Variants in SMARCA2 observed in about 807,000 individuals in gnomAD.
SMARCA2 encodes SWI/SNF-related matrix-associated actin-dependent regulator of chromatin subfamily A member 2.
A neutral mutation model predicts 199.8 loss-of-function variants in SMARCA2; 61 were observed. That is an observed-to-expected ratio of 0.31 (90% CI 0.25 to 0.38). The LOEUF (loss-of-function observed/expected upper bound fraction) is 0.38, where lower values mean the gene tolerates loss of function less well. SMARCA2 is among the 10% of genes least tolerant of loss of function. The probability of loss-of-function intolerance (pLI) is 1.00; values close to 1 mark genes in which losing one functional copy is unlikely to be tolerated. For missense variants in SMARCA2, 1,344 were observed against 2,012.2 expected (o/e 0.67, Z 6.35); for synonymous variants, 935 against 732.0 (o/e 1.28, Z -4.48).
chr9:2,120,792 C>T (rs1433285827), intron 26 of SMARCA2, among the ~76,000 whole-genome samples: 2 of 152,132 alleles, frequency 1.3e-5, no homozygotes, highest in Admixed American at 1.3e-4. Context: ...AATGAACCAC[C>T]CTTCCCAAGT....
At chr9:2,088,123 G>A (rs897166968) in intron 18 of SMARCA2, among the ~76,000 whole-genome samples, 3 of 152,172 alleles carry the variant, frequency 2.0e-5, no homozygotes, top group Non-Finnish European at 4.4e-5. Flanking sequence ...ACTTAAGGCT[G>A]CCACTTTAAA....
intron 27 of SMARCA2, chr9:2,159,036 A>G (rs1038988604): frequency 4.5e-5 from 72 of 1,592,258 alleles, no homozygotes; most frequent in Admixed American, 6.9e-5. Context: ...AAGAATCTGC[A>G]CGTATTAGCA....
intron 8 of SMARCA2, 27 bp from the exon 9 acceptor site, chr9:2,060,789 C>G (rs779962190): frequency 1.2e-6 from 2 of 1,609,782 alleles, no homozygotes; most frequent in South Asian, 1.1e-5. Context: ...ATATTATGCT[C>G]TCATCCTGCT....
rs370288630 is a variant in SMARCA2 at position 2,033,130 on chromosome 9, A to C, written c.355+49A>C. 295 of 1,591,034 alleles carry C rather than the reference A, an allele frequency of 1.9e-4. 1 individual carries two copies. The African/African-American group carries it at 3.7e-3, about 20-fold the overall frequency. ...TACTGGTTCCCCAGCATAGTCTTTC[A>C]GTCTTTCCTGTTGGATATTTTAATT... On this transcript the variant is annotated intron_variant, in intron 3 of 33. Transcript: ENST00000349721.
At chr9:2,188,702 A>C (rs1312225880) in intron 32 of SMARCA2, among the ~76,000 whole-genome samples, 1 of 152,188 alleles carries the variant, frequency 6.6e-6, no homozygotes, top group East Asian at 1.9e-4. Flanking sequence ...ACACAAACTT[A>C]TTACCTCTTG....
At position 2,117,852 on chromosome 9, in the gene SMARCA2, C is replaced by T. The variant is rs142808072; in HGVS notation, c.3685-1606C>T. 1.6e-4 allele frequency among the ~76,000 whole-genome samples: 25 copies of T among 152,242 alleles called. 1 individual carries two copies. The highest frequency in any genetic ancestry group is 6.0e-4 in the African/African-American group (25 of 41,546). Reference sequence around the variant, plus strand: ...TGTGTCAGAAAAATGTTGCCGTTTTCAGGGGGGCTTGTGTCCTGATGTAAA... The same window carrying T: ...TGTGTCAGAAAAATGTTGCCGTTTTTAGGGGGGCTTGTGTCCTGATGTAAA... On this transcript the variant is annotated intron_variant, in intron 25 of 33. Coordinates refer to ENST00000349721, the MANE Select transcript of SMARCA2 (RefSeq NM_003070.5).
intron 29 of SMARCA2, among the ~76,000 whole-genome samples, chr9:2,179,777 C>T (rs1470322331): frequency 6.6e-6 from 1 of 152,182 alleles, no homozygotes; most frequent in Non-Finnish European, 1.5e-5. Flanking sequence ...GAAGATGACA[C>T]CATGAAGATG....
chr9:2,087,074 A>G lies in SMARCA2; in HGVS notation c.2769+3A>G, dbSNP rs1438699745. 1 of 1,613,994 alleles carries G rather than the reference A, an allele frequency of 6.2e-7. No homozygotes were observed. ...CATTTGCCATGACTGGTGAAAGGGT[A>G]CTGGTCTGAGTTCTGTTTTTTCCAC... On this transcript the variant is annotated splice_donor_region_variant and intron_variant, in intron 18 of 33. Transcript: ENST00000349721.
chr9:2,064,544 C>A (rs1447434698), intron 9 of SMARCA2, among the ~76,000 whole-genome samples: 3 of 152,102 alleles, frequency 2.0e-5, no homozygotes, highest in Non-Finnish European at 4.4e-5. Flanking sequence ...CTTTTTAAAC[C>A]TTTACTGCAT....
At chr9:2,109,633 G>A (rs77882271) in intron 23 of SMARCA2, among the ~76,000 whole-genome samples, 1 of 71,126 alleles carries the variant, frequency 1.4e-5, no homozygotes, top group Non-Finnish European at 2.3e-5. Flanking sequence ...GATTTCTTGT[G>A]GGGGGGGTGG....
intron 1 of SMARCA2, among the ~76,000 whole-genome samples, chr9:2,026,856 A>T (rs1164908825): frequency 1.3e-5 from 2 of 152,174 alleles, no homozygotes; most frequent in East Asian, 3.9e-4. Context: ...AAGAAAAAAA[A>T]GTTCCGTCTG....
At position 2,069,392 on chromosome 9, in the gene SMARCA2, TA is replaced by T. The variant is rs1275487171; in HGVS notation, c.1693-1019del. Among the ~76,000 whole-genome samples, 4 of 150,980 alleles carry T rather than the reference TA, an allele frequency of 2.6e-5. No individual in the cohort carries two copies. The East Asian group carries it at 8.1e-4, about 30-fold the overall frequency. The stretch of plus-strand genomic sequence containing the variant: ...TAACACGGTGAAACCCCGTCTCCAC[TA>T]AAAAAATACAAAAAAATTAGCCGGG... On this transcript the variant is annotated intron_variant, in intron 9 of 33. Transcript: ENST00000349721.
At chr9:2,187,726 C>A (rs1166359900) in intron 32 of SMARCA2, among the ~76,000 whole-genome samples, 1 of 151,840 alleles carries the variant, frequency 6.6e-6, no homozygotes, top group Admixed American at 6.6e-5. Context: ...CATAAAATTT[C>A]TTCTTTCCTA....
chr9:2,033,057 A>G lies in SMARCA2; in HGVS notation c.331A>G (p.Ser111Gly). 1 of 1,614,174 alleles carries G rather than the reference A, an allele frequency of 6.2e-7. No homozygotes were observed. The highest frequency in any genetic ancestry group is 8.5e-7 in the Non-Finnish European group (1 of 1,180,004). ...TCACCCAGGCATGGGCCCTCCCCAG[A>G]GTCCAATGGATCAACACAGCCAAGG... ...PPHPGMGPPQ[S>G]PMDQHSQGYM... Residue 111 changes from serine (S) to glycine (G), a missense_variant, in exon 3 of 34, where the codon AGT (serine) becomes GGT (glycine). Coordinates refer to ENST00000349721, the MANE Select transcript of SMARCA2 (RefSeq NM_003070.5).
At chr9:2,048,581 C>A (rs1373123531) in intron 5 of SMARCA2, among the ~76,000 whole-genome samples, 1 of 152,198 alleles carries the variant, frequency 6.6e-6, no homozygotes, top group Non-Finnish European at 1.5e-5. Context: ...GCACATCACT[C>A]ATTTCTTATC....
In SMARCA2 at chr9:2,100,131, G is replaced by C. The variant is rs901766712; in HGVS notation, c.3079-1439G>C. Among the ~76,000 whole-genome samples the C allele has an allele frequency of 3.9e-5, 6 of 152,168 alleles. No individual in the cohort carries two copies. The South Asian group carries it at 1.2e-3, about 32-fold the overall frequency. ...GGGAAAGCAGAAAAGGGAGACAGCC[G>C]GTGGCTGATGTGAAGGTGTAACCTG... On this transcript the variant is annotated intron_variant, in intron 21 of 33. Coordinates refer to ENST00000349721, the MANE Select transcript of SMARCA2 (RefSeq NM_003070.5).
chr9:2,107,399 C>G (rs577809706), intron 23 of SMARCA2, among the ~76,000 whole-genome samples: 1 of 152,210 alleles, frequency 6.6e-6, no homozygotes, highest in African/African-American at 2.4e-5. Flanking sequence ...CTCCCTGCAA[C>G]CTCCGCCTCC....
intron 27 of SMARCA2, among the ~76,000 whole-genome samples, chr9:2,140,845 A>C (rs928584844): frequency 9.2e-5 from 14 of 152,024 alleles, no homozygotes; most frequent in Non-Finnish European, 1.5e-5. Flanking sequence ...CGTTAGTGGT[A>C]ATGTGCATGT....
intron 14 of SMARCA2, 75 bp from the exon 15 acceptor site, chr9:2,081,757 C>T: frequency 7.3e-7 from 1 of 1,363,044 alleles, no homozygotes; most frequent in Non-Finnish European, 1.0e-6. Flanking sequence ...AGAAGTCACA[C>T]CCTCACTTGG....
Sources: allele counts gnomAD v4.1 joint callset (sites outside exome capture counted in the v4.1 genomes callset), GRCh38; gene constraint gnomAD v4.1.1; transcripts MANE v1.5; gene names NCBI Gene and HGNC (gene_info 2026-07-23, HGNC 2026-07-21).